The following DNAAF5 variants were observed in gnomAD, a reference collection of about 807,000 sequenced individuals.
The protein encoded by DNAAF5 is HEAT repeat containing 2.
A neutral mutation model predicts 75.8 loss-of-function variants in DNAAF5; 64 were observed. The ratio of observed to expected loss-of-function variants is 0.84; its 90% CI spans 0.69 to 1.04. The LOEUF is 1.04. DNAAF5 is among the 50% of genes least tolerant of loss of function. The probability of loss-of-function intolerance (pLI) is 0.00; values close to 1 mark genes in which losing one functional copy is unlikely to be tolerated. For missense variants in DNAAF5, 1,269 were observed against 1,178.5 expected (o/e 1.08, Z -1.12); for synonymous variants, 657 against 557.2 (o/e 1.18, Z -2.52).
intron 4 of DNAAF5, among the ~76,000 whole-genome samples, chr7:745,328 G>T (rs751347752): frequency 6.6e-6 from 1 of 152,232 alleles, no homozygotes; most frequent in Non-Finnish European, 1.5e-5. Flanking sequence ...GCTGTGCACC[G>T]GAGAGGGAGG....
Position 754,130 on chromosome 7 carries a change from G to C in DNAAF5, c.1025-459G>C, listed in dbSNP as rs80199177. Among the ~76,000 whole-genome samples, 1 of 152,144 alleles carries C rather than the reference G, an allele frequency of 6.6e-6. No homozygotes were observed. The highest frequency in any genetic ancestry group is 1.5e-5 in the Non-Finnish European group (1 of 68,028). The stretch of plus-strand genomic sequence containing the variant: ...TCTCTCTGATCATACACGTCAGCAC[G>C]TGTGGCAAGTGTGTTGTTTGCATCT... On this transcript the variant is annotated intron_variant, in intron 4 of 12. Transcript: ENST00000297440. This position sits in a 1 kb window ranked among gnomAD's most constrained non-coding sequence, Gnocchi z 4.8.
rs375829727 is a variant in DNAAF5 at position 763,896 on chromosome 7, C to T, written c.1705C>T (p.Arg569Trp). The T allele has an allele frequency of 3.1e-6, 5 of 1,612,524 alleles. No individual in the cohort carries two copies. In the African/African-American group the frequency reaches 4.0e-5, roughly 13 times the overall value. ...CAAGCACATTGGTCCCCTCCTGGAGCGGGTGACCGCGTCGCACCTTGACTG... is the reference window on the plus strand; with the variant it reads ...CAAGCACATTGGTCCCCTCCTGGAGTGGGTGACCGCGTCGCACCTTGACTG... The part of the protein sequence containing the change: ...YRKHIGPLLE[R>W]VTASHLDWTA... The change falls in exon 8 of 13, where the codon CGG (arginine) becomes TGG (tryptophan). Residue 569 changes from arginine (R) to tryptophan (W), a missense_variant. By Grantham distance (101) the Arg-to-Trp change is moderately radical. Transcript: ENST00000297440.
At position 779,987 on chromosome 7, in the gene DNAAF5, T is replaced by A; in HGVS notation, c.2274T>A (p.Asp758Glu). Reference protein sequence around the residue: ...LLKRLDDVSNDVRMAAASTLV... With the variant: ...LLKRLDDVSNEVRMAAASTLV... ...AACGCCTAGATGACGTGTCCAACGATGTGAGGATGGCAGCCGCCTCCACCT... is the reference window on the plus strand; with the variant it reads ...AACGCCTAGATGACGTGTCCAACGAAGTGAGGATGGCAGCCGCCTCCACCT... The change falls in exon 12 of 13, where the codon GAT (aspartate) becomes GAA (glutamate). Residue 758 changes from aspartate (D) to glutamate (E), a missense_variant. Coordinates refer to ENST00000297440, the MANE Select transcript of DNAAF5 (RefSeq NM_017802.4). 2 of 1,614,178 alleles carry A rather than the reference T, an allele frequency of 1.2e-6. No homozygotes were observed. Among genetic ancestry groups the A allele is most frequent in the Non-Finnish European group, 1.7e-6 (2 of 1,180,026 alleles).
chr7:745,163 G>A (rs1782044187), intron 4 of DNAAF5, among the ~76,000 whole-genome samples: 1 of 152,170 alleles, frequency 6.6e-6, no homozygotes, highest in Non-Finnish European at 1.5e-5. Flanking sequence ...CCTTAGAGAG[G>A]GTCCAGCCTG....
intron 4 of DNAAF5, among the ~76,000 whole-genome samples, chr7:752,980 G>A (rs974591377): frequency 3.9e-5 from 6 of 152,234 alleles, no homozygotes; most frequent in Admixed American, 1.3e-4. Flanking sequence ...GTTAGTCATC[G>A]GGGAATGCAA....
rs2128538168 is a variant in DNAAF5, at chr7:726,876, C to T, written c.156C>T (p.Ala52=). 3.8e-6 allele frequency: 5 copies of T among 1,327,312 alleles called. No individual in the cohort carries two copies. In the South Asian group the frequency reaches 5.7e-5, roughly 15 times the overall value. 82.2% of individuals were successfully genotyped at this position (1,327,312 alleles called of 1,614,324 possible). ...CGGGCCGGCGGCGCGCCTTGGAGGC[C>T]CTGCGGCGCGCGCTGGAGGAGCCAG... is the stretch of plus-strand genomic sequence containing the variant. ...SKPGRRRALE[A]LRRALEEPGP... The change falls in exon 1 of 13, where the codon GCC becomes GCT. Residue 52 remains alanine, a synonymous_variant. Coordinates refer to ENST00000297440, the MANE Select transcript of DNAAF5 (RefSeq NM_017802.4).
chr7:749,398 G>A (rs1213633280), intron 4 of DNAAF5, among the ~76,000 whole-genome samples: 3 of 152,144 alleles, frequency 2.0e-5, no homozygotes, highest in African/African-American at 7.2e-5. Context: ...CACACAGGAG[G>A]ACAGAGTTGG....
At chr7:749,651 G>A (rs183428769) in intron 4 of DNAAF5, among the ~76,000 whole-genome samples, 35 of 152,308 alleles carry the variant, frequency 2.3e-4, no homozygotes, top group Admixed American at 1.7e-3. Flanking sequence ...AAGGTCCCAC[G>A]AGCATTGGCC....
chr7:752,195 G>A (rs1782319840), intron 4 of DNAAF5, among the ~76,000 whole-genome samples: 1 of 152,250 alleles, frequency 6.6e-6, no homozygotes. Flanking sequence ...TAAATGATAG[G>A]ATCACTCATA....
intron 2 of DNAAF5, among the ~76,000 whole-genome samples, chr7:734,952 A>G (rs1437500701): frequency 1.5e-5 from 2 of 134,892 alleles, no homozygotes; most frequent in African/African-American, 5.6e-5. Context: ...TGTTGCTCAT[A>G]GTGTTGTTCT....
At chr7:764,331 G>A (rs1363013974) in intron 8 of DNAAF5, among the ~76,000 whole-genome samples, 1 of 152,194 alleles carries the variant, frequency 6.6e-6, no homozygotes, top group South Asian at 2.1e-4. Context: ...TGACATGGGG[G>A]CCTTAGCCCC....
intron 12 of DNAAF5, among the ~76,000 whole-genome samples, chr7:781,952 G>C (rs1046215097): frequency 6.6e-6 from 1 of 152,240 alleles, no homozygotes; most frequent in Non-Finnish European, 1.5e-5. Flanking sequence ...CTGTCCCTGC[G>C]GCTGTACTCT....
intron 8 of DNAAF5, among the ~76,000 whole-genome samples, chr7:765,367 G>A (rs570023123): frequency 2.0e-5 from 3 of 152,160 alleles, no homozygotes. Context: ...GGGGCCCAGG[G>A]TGTTGCATTT....
chr7:779,571 G>T (rs1051508862), intron 11 of DNAAF5, among the ~76,000 whole-genome samples: 9 of 152,144 alleles, frequency 5.9e-5, no homozygotes, highest in African/African-American at 2.2e-4. Flanking sequence ...GTCAGAGCTG[G>T]GCAGGGTGGC....
intron 12 of DNAAF5, among the ~76,000 whole-genome samples, chr7:782,997 G>A (rs1432747420): frequency 2.6e-5 from 4 of 152,266 alleles, no homozygotes; most frequent in African/African-American, 7.2e-5. Flanking sequence ...ACTCTCCTGC[G>A]TGGGCACCAG....
chr7:769,943 A>G (rs1778496584), intron 8 of DNAAF5, among the ~76,000 whole-genome samples: 1 of 151,632 alleles, frequency 6.6e-6, no homozygotes, highest in Non-Finnish European at 1.5e-5. Context: ...CACCACGTCC[A>G]GGTTTTGTTT....
intron 8 of DNAAF5, among the ~76,000 whole-genome samples, chr7:767,820 T>G (rs1778374675): frequency 6.7e-6 from 1 of 148,528 alleles, no homozygotes; most frequent in East Asian, 2.1e-4. Flanking sequence ...GGCAGACACG[T>G]GGTCCGGGTG....
Position 757,268 on chromosome 7 carries a change from C to T in DNAAF5, c.1470+274C>T, listed in dbSNP as rs7808491. Among the ~76,000 whole-genome samples, 8,070 of 152,136 alleles carry T rather than the reference C, an allele frequency of 0.053. 721 individuals carry two copies. The highest frequency in any genetic ancestry group is 0.18 in the African/African-American group (7,489 of 41,502). On this transcript the variant is annotated intron_variant, in intron 6 of 12. Coordinates refer to ENST00000297440, the MANE Select transcript of DNAAF5 (RefSeq NM_017802.4). Reference sequence around the variant, plus strand: ...CCCCAGCCCCAGCCCCAGCTGCAGGCGGCCGCTCACGTTTACATTCGTTGC... The same window carrying T: ...CCCCAGCCCCAGCCCCAGCTGCAGGTGGCCGCTCACGTTTACATTCGTTGC...
intron 4 of DNAAF5, among the ~76,000 whole-genome samples, chr7:752,409 T>C (rs1230792965): frequency 6.8e-6 from 1 of 146,768 alleles, no homozygotes; most frequent in African/African-American, 2.5e-5. Context: ...GGGTGCATCC[T>C]CAAAAGACTG....
Sources: gnomAD v4.1 joint callset for allele counts (sites outside exome capture counted in the v4.1 genomes callset) on GRCh38, gnomAD v4.1.1 for gene constraint, Gnocchi (gnomAD v3.1) non-coding constraint, MANE v1.5 for transcripts, NCBI Gene and HGNC (gene_info 2026-07-23, HGNC 2026-07-21) for gene names.